The following EFR3B variants were observed in gnomAD, a reference collection of about 807,000 sequenced individuals.
EFR3B encodes protein EFR3 homolog B.
Under a neutral mutation model 104.7 loss-of-function variants are expected in EFR3B, and 64 were observed. The ratio of observed to expected loss-of-function variants is 0.61; its 90% confidence interval spans 0.50 to 0.75. The LOEUF (loss-of-function observed/expected upper bound fraction) is 0.75. Ranked by LOEUF, EFR3B falls within the 30% of genes least tolerant of loss-of-function variation. The pLI is 0.00. For synonymous variants in EFR3B, 385 were observed against 417.9 expected, an observed-to-expected ratio of 0.92 and a Z score of 0.96; for missense variants, 750 against 1,078.5, an observed-to-expected ratio of 0.70 and a Z score of 4.27.
At position 25,042,416 on chromosome 2, in the gene EFR3B, G is replaced by A. The variant is rs1214718008; in HGVS notation, c.7+97G>A. 1 of 1,220,322 alleles carries A rather than the reference G, an allele frequency of 8.2e-7. No individual in the cohort carries two copies. Among genetic ancestry groups the A allele is most frequent in the Non-Finnish European group, 1.0e-6 (1 of 980,204 alleles). The allele number at this position is 1,220,322 out of a possible 1,614,324, so 75.6% of individuals were successfully genotyped here. A position where few individuals can be genotyped will look rare whatever the true frequency, so the allele number is the denominator to read the frequency against. On this transcript the variant is annotated intron_variant, in intron 1 of 22. Coordinates refer to ENST00000403714, the MANE Select transcript of EFR3B (RefSeq NM_014971.2). The surrounding 1 kb of genome is among the most constrained non-coding windows in gnomAD (Gnocchi z 5.4). ...GTCCCCCTGCACGGCCCTGGCGCGGGGCCAGGCCGCTGACCTGGTGCCCGG... is the reference window on the plus strand; with the variant it reads ...GTCCCCCTGCACGGCCCTGGCGCGGAGCCAGGCCGCTGACCTGGTGCCCGG...
In EFR3B at chr2:25,129,984, C is replaced by G; in HGVS notation, c.645C>G (p.Pro215=). Residue 215 remains proline (P), a synonymous_variant, in exon 7 of 23, where the codon CCC becomes CCG. Coordinates refer to ENST00000403714, the MANE Select transcript of EFR3B (RefSeq NM_014971.2). The part of the protein sequence containing the change: ...QHVEEAESRS[P]SPLQAPEKEK... ...GCCTCTGTCTCCCCAGCCGGTCTCCCTCACCCCTCCAAGCACCTGAGAAGG... is the reference window on the plus strand; with the variant it reads ...GCCTCTGTCTCCCCAGCCGGTCTCCGTCACCCCTCCAAGCACCTGAGAAGG... The G allele has an allele frequency of 2.6e-6, 4 of 1,551,650 alleles. No homozygotes were observed. The highest frequency in any genetic ancestry group is 3.5e-6 in the Non-Finnish European group (4 of 1,147,022).
Position 25,132,972 on chromosome 2 carries a change from C to G in EFR3B, c.1217C>G (p.Pro406Arg). The change falls in exon 11 of 23, where the codon CCG becomes CGG. Residue 406 changes from proline (P) to arginine (R), a missense_variant. Pro to Arg is a moderately radical substitution (Grantham distance 103, BLOSUM62 -2). Coordinates refer to ENST00000403714, the MANE Select transcript of EFR3B (RefSeq NM_014971.2). ...ATCCTCTTCATCATGAGCAAGGTCC[C>G]GCGGCCATCCCTGCACCAGGCGGTG... ...EVILFIMSKV[P>R]RPSLHQAVDT... 1 of 1,551,674 alleles carries G rather than the reference C, an allele frequency of 6.4e-7. No individual in the cohort carries two copies. The highest frequency in any genetic ancestry group is 8.7e-7 in the Non-Finnish European group (1 of 1,146,976).
intron 5 of EFR3B, among the ~76,000 whole-genome samples, chr2:25,125,872 C>T (rs370070092): frequency 2.0e-5 from 3 of 152,184 alleles, no homozygotes; most frequent in Non-Finnish European, 2.9e-5. Context: ...GGCGTGAACC[C>T]GGGAGGCGGA....
intron 3 of EFR3B, among the ~76,000 whole-genome samples, chr2:25,097,080 A>G (rs900849142): frequency 3.9e-5 from 6 of 152,212 alleles, no homozygotes; most frequent in Non-Finnish European, 7.3e-5. Flanking sequence ...TAAACATTTA[A>G]TACTAATTTC....
At chr2:25,112,150 T>G (rs1357017655) in intron 4 of EFR3B, among the ~76,000 whole-genome samples, 1 of 152,236 alleles carries the variant, frequency 6.6e-6, no homozygotes, top group Admixed American at 6.5e-5. Context: ...CGACTAGATA[T>G]GCCCCAATTT....
chr2:25,154,158 C>A lies in EFR3B; in HGVS notation c.2349-77C>A. The A allele has an allele frequency of 1.5e-6, 2 of 1,349,716 alleles. No homozygotes were observed. The highest frequency in any genetic ancestry group is 2.1e-6 in the Non-Finnish European group (2 of 969,698). 83.6% of individuals were successfully genotyped at this position (1,349,716 alleles called of 1,614,324 possible). ...TGCAAAAAGAAACCCAAGTCACCTACTCTGTTTGGTTGCACAAGGGTGGGA... is the reference window on the plus strand; with the variant it reads ...TGCAAAAAGAAACCCAAGTCACCTAATCTGTTTGGTTGCACAAGGGTGGGA... On this transcript the variant is annotated intron_variant, in intron 22 of 22. Transcript: ENST00000403714. This position sits in a 1 kb window ranked among gnomAD's most constrained non-coding sequence, Gnocchi z 4.1.
intron 1 of EFR3B, among the ~76,000 whole-genome samples, chr2:25,051,062 TGCTCATGGA>T (rs1313298289): frequency 6.6e-6 from 1 of 152,204 alleles, no homozygotes; most frequent in Non-Finnish European, 1.5e-5. Context: ...CCTCCTGGTT[TGCTCATGGA>T]GGCTCCACCC....
intron 4 of EFR3B, among the ~76,000 whole-genome samples, chr2:25,117,318 T>C (rs1185208629): frequency 1.3e-5 from 2 of 151,846 alleles, no homozygotes; most frequent in African/African-American, 4.8e-5. Context: ...CAGAAACCAG[T>C]GTGGTCAGCA....
At position 25,137,254 on chromosome 2, in the gene EFR3B, C is replaced by A; in HGVS notation, c.1561-87C>A. 4 of 1,454,014 alleles carry A rather than the reference C, an allele frequency of 2.8e-6. No individual in the cohort carries two copies. Among genetic ancestry groups the A allele is most frequent in the South Asian group, 2.7e-5 (2 of 75,412 alleles). 90.1% of individuals were successfully genotyped at this position (1,454,014 alleles called of 1,614,324 possible). A position where few individuals can be genotyped will look rare whatever the true frequency, so the allele number is the denominator to read the frequency against. On this transcript the variant is annotated intron_variant, in intron 14 of 22. Transcript: ENST00000403714. This position sits in a 1 kb window ranked among gnomAD's most constrained non-coding sequence, Gnocchi z 4.7. Reference sequence around the variant, plus strand: ...AGGGGGCACACAGCCATCCTGCCCCCCTTCAGATTGGTCTTCCTCCGTGTT... The same window carrying A: ...AGGGGGCACACAGCCATCCTGCCCCACTTCAGATTGGTCTTCCTCCGTGTT...
At position 25,042,268 on chromosome 2, in the gene EFR3B, C is replaced by A; in HGVS notation, c.-45C>A. ...GGCGCCGCCGAGGGCTGGCTGGGAA[C>A]GCCGCAGCGACGCCGGCCTCTCGAG... On this transcript the variant is annotated 5_prime_UTR_variant, in exon 1 of 23. Coordinates refer to ENST00000403714, the MANE Select transcript of EFR3B (RefSeq NM_014971.2). This position sits in a 1 kb window ranked among gnomAD's most constrained non-coding sequence, Gnocchi z 5.4. 1.5e-6 allele frequency: 2 copies of A among 1,312,970 alleles called. No individual in the cohort carries two copies. Among genetic ancestry groups the A allele is most frequent in the Non-Finnish European group, 1.9e-6 (2 of 1,031,072 alleles). The allele number at this position is 1,312,970 out of a possible 1,614,324, so 81.3% of individuals were successfully genotyped here. A position where few individuals can be genotyped will look rare whatever the true frequency, so the allele number is the denominator to read the frequency against.
intron 3 of EFR3B, among the ~76,000 whole-genome samples, chr2:25,095,652 C>G (rs1164263557): frequency 6.6e-6 from 1 of 152,032 alleles, no homozygotes; most frequent in Non-Finnish European, 1.5e-5. Flanking sequence ...GCTGAGATCA[C>G]GCCACTGCAC....
intron 4 of EFR3B, among the ~76,000 whole-genome samples, chr2:25,115,283 T>C (rs1011660819): frequency 1.3e-5 from 2 of 152,178 alleles, no homozygotes; most frequent in African/African-American, 4.8e-5. Context: ...AAATCTGTAT[T>C]TTAAACAAGC....
At position 25,137,427 on chromosome 2, in the gene EFR3B, G is replaced by A; in HGVS notation, c.1647G>A (p.Leu549=). 2 of 1,551,818 alleles carry A rather than the reference G, an allele frequency of 1.3e-6. No individual in the cohort carries two copies. Among genetic ancestry groups the A allele is most frequent in the Non-Finnish European group, 1.7e-6 (2 of 1,147,024 alleles). The change falls in exon 15 of 23, where the codon TTG becomes TTA. Residue 549 remains leucine, a synonymous_variant. Coordinates refer to ENST00000403714, the MANE Select transcript of EFR3B (RefSeq NM_014971.2). The surrounding 1 kb of genome is among the most constrained non-coding windows in gnomAD (Gnocchi z 4.7). ...AACACTACGAGGCGCTCTATGGCTTGCTGGCCCTCATCAGCATCGAGCTGG... is the reference window on the plus strand; with the variant it reads ...AACACTACGAGGCGCTCTATGGCTTACTGGCCCTCATCAGCATCGAGCTGG... ...VQKHYEALYG[L]LALISIELAN...
chr2:25,106,551 A>G (rs532246181), intron 4 of EFR3B, among the ~76,000 whole-genome samples: 15 of 148,054 alleles, frequency 1.0e-4, no homozygotes, highest in African/African-American at 3.5e-4. Context: ...TCCACCTCCC[A>G]GGTTCAAGTG....
At position 25,042,887 on chromosome 2, in the gene EFR3B, T is replaced by A. The variant is rs895842719; in HGVS notation, c.7+568T>A. The stretch of plus-strand genomic sequence containing the variant: ...TCCAGGTTCACCAACTTCCAGATTT[T>A]CCCTCCGCAGTGATGAAGGGAGGAG... On this transcript the variant is annotated intron_variant, in intron 1 of 22. Coordinates refer to ENST00000403714, the MANE Select transcript of EFR3B (RefSeq NM_014971.2). This position sits in a 1 kb window ranked among gnomAD's most constrained non-coding sequence, Gnocchi z 5.4. Among the ~76,000 whole-genome samples, 2 of 152,064 alleles carry A rather than the reference T, an allele frequency of 1.3e-5. No individual in the cohort carries two copies. Among genetic ancestry groups the A allele is most frequent in the African/African-American group, 4.8e-5 (2 of 41,408 alleles).
At chr2:25,111,145 C>T (rs753653421) in intron 4 of EFR3B, among the ~76,000 whole-genome samples, 14 of 152,190 alleles carry the variant, frequency 9.2e-5, no homozygotes, top group Non-Finnish European at 1.9e-4. Context: ...GTTGCTATAC[C>T]GGGTATCACA....
At chr2:25,079,455 T>TA (rs1233394279) in intron 1 of EFR3B, among the ~76,000 whole-genome samples, 2 of 152,236 alleles carry the variant, frequency 1.3e-5, no homozygotes, top group African/African-American at 4.8e-5. Context: ...CCTGCCTCTT[T>TA]ATCTGTAAAA....
At chr2:25,119,016 A>C (rs1669943671) in intron 4 of EFR3B, among the ~76,000 whole-genome samples, 2 of 152,136 alleles carry the variant, frequency 1.3e-5, no homozygotes, top group Non-Finnish European at 2.9e-5. Flanking sequence ...CTACACAGTC[A>C]CTACATGCTG....
At position 25,158,412 on chromosome 2, in the gene EFR3B, TCTCC is replaced by T. The variant is rs1671231788; in HGVS notation, c.*4076_*4079del. On this transcript the variant is annotated 3_prime_UTR_variant, in exon 23 of 23. Coordinates refer to ENST00000403714, the MANE Select transcript of EFR3B (RefSeq NM_014971.2). The stretch of plus-strand genomic sequence containing the variant: ...AGGCGGGTCGTGCTGAAACCAGGCA[TCTCC>T]CTCACACCTGGGGAAAGGTTTAGGG... 1 of 152,234 alleles carries T rather than the reference TCTCC, an allele frequency of 6.6e-6. No individual in the cohort carries two copies. The highest frequency in any genetic ancestry group is 1.5e-5 in the Non-Finnish European group (1 of 68,122). The allele number at this position is 152,234 out of a possible 1,614,324, so 9.4% of individuals were successfully genotyped here.
Sources: gnomAD v4.1 joint callset for allele counts (sites outside exome capture counted in the v4.1 genomes callset) on GRCh38, gnomAD v4.1.1 for gene constraint, Gnocchi (gnomAD v3.1) non-coding constraint, MANE v1.5 for transcripts, NCBI Gene and HGNC (gene_info 2026-07-23, HGNC 2026-07-21) for gene names.